MANBA: variants seen among roughly 807,000 people sequenced by gnomAD.
MANBA encodes the protein beta-mannosidase.
A neutral mutation model predicts 111.1 loss-of-function variants in MANBA; 83 were observed. That is an observed-to-expected ratio of 0.75 (90% CI 0.63 to 0.90). The LOEUF is 0.90. Ranked by LOEUF, MANBA falls within the 40% of genes least tolerant of loss-of-function variation. MANBA has a pLI of 0.00. For missense variants in MANBA, 1,036 were observed against 1,069.0 expected, an observed-to-expected ratio of 0.97 and a Z score of 0.43; for synonymous variants, 370 against 378.7, an observed-to-expected ratio of 0.98 and a Z score of 0.27.
In MANBA at chr4:102,657,682, C is replaced by A; in HGVS notation, c.1704G>T (p.Lys568Asn). Reference sequence around the variant, plus strand: ...ATTAGAAAATCAAACGATGACTTACCTTTTCTAATGTACTGAAGGACGGCC... The same window carrying A: ...ATTAGAAAATCAAACGATGACTTACATTTTCTAATGTACTGAAGGACGGCC... Reference protein sequence around the residue: ...QSWPSFSTLEKVSSTEDWSFN... With the variant: ...QSWPSFSTLENVSSTEDWSFN... Residue 568 changes from lysine (K) to asparagine (N), a missense_variant and splice_region_variant, in exon 12 of 17, where the codon AAG becomes AAT. Coordinates refer to ENST00000647097, the MANE Select transcript of MANBA (RefSeq NM_005908.4). The A allele has an allele frequency of 1.2e-6, 2 of 1,600,614 alleles. No individual in the cohort carries two copies. The highest frequency in any genetic ancestry group is 1.7e-6 in the Non-Finnish European group (2 of 1,167,870).
intron 1 of MANBA, among the ~76,000 whole-genome samples, chr4:102,755,068 G>C (rs556079135): frequency 3.3e-5 from 5 of 152,162 alleles, no homozygotes; most frequent in African/African-American, 1.2e-4. Flanking sequence ...TAGATTCAAC[G>C]CCATCCCCAT....
intron 1 of MANBA, chr4:102,730,446 G>C: frequency 2.0e-6 from 1 of 491,056 alleles, no homozygotes; most frequent in Non-Finnish European, 3.9e-6. Flanking sequence ...CAGAGTATTC[G>C]GGGTAAGGGT....
At chr4:102,730,750 C>T (rs1015086290) in intron 1 of MANBA, 1 of 499,352 alleles carries the variant, frequency 2.0e-6, no homozygotes, top group Non-Finnish European at 4.0e-6. Context: ...TCAGGTAAGA[C>T]ACAATAAGTC....
chr4:102,633,558 A>G (rs547814092), intron 16 of MANBA: 1 of 397,552 alleles, frequency 2.5e-6, no homozygotes, highest in South Asian at 1.4e-4. Context: ...TTAGCCCCGA[A>G]TTAAACATTA....
intron 16 of MANBA, among the ~76,000 whole-genome samples, chr4:102,632,578 G>A (rs1578853416): frequency 6.6e-6 from 1 of 152,184 alleles, no homozygotes; most frequent in African/African-American, 2.4e-5. Flanking sequence ...TTTTCTCAGA[G>A]TATCATCAAG....
chr4:102,708,034 A>C (rs1171964367), intron 5 of MANBA, among the ~76,000 whole-genome samples: 1 of 152,160 alleles, frequency 6.6e-6, no homozygotes, highest in Non-Finnish European at 1.5e-5. Context: ...AAATCTAAAG[A>C]CAGATAGATT....
intron 12 of MANBA, chr4:102,650,942 G>A: frequency 2.2e-6 from 1 of 462,256 alleles, no homozygotes; most frequent in Non-Finnish European, 3.9e-6. Context: ...CTCCAACTAA[G>A]AAAGTTATAT....
intron 5 of MANBA, among the ~76,000 whole-genome samples, chr4:102,703,351 G>A (rs1733149197): frequency 6.6e-6 from 1 of 152,146 alleles, no homozygotes; most frequent in South Asian, 2.1e-4. Context: ...ATTCATTCCT[G>A]GCAGTAGGCT....
At chr4:102,656,432 G>A (rs774116666) in intron 12 of MANBA, among the ~76,000 whole-genome samples, 1 of 152,176 alleles carries the variant, frequency 6.6e-6, no homozygotes, top group Non-Finnish European at 1.5e-5. Context: ...AATAACAAGT[G>A]TTGGCAAGGA....
chr4:102,743,598 C>T (rs1723488536), intron 1 of MANBA, among the ~76,000 whole-genome samples: 1 of 152,120 alleles, frequency 6.6e-6, no homozygotes, highest in South Asian at 2.1e-4. Flanking sequence ...GCCACTTCTG[C>T]CTTTGAGCCA....
chr4:102,679,926 TA>T (rs201793469), intron 7 of MANBA, among the ~76,000 whole-genome samples: 2,106 of 139,504 alleles, frequency 0.015, 29 homozygotes, highest in East Asian at 0.058. Flanking sequence ...CTCTGAGGTA[TA>T]AAAAAAAAAA....
intron 5 of MANBA, among the ~76,000 whole-genome samples, chr4:102,692,626 A>C (rs939260712): frequency 1.3e-5 from 2 of 152,128 alleles, no homozygotes; most frequent in African/African-American, 4.8e-5. Context: ...AGGGGGTTAG[A>C]GTCAGCAAAA....
intron 7 of MANBA, among the ~76,000 whole-genome samples, chr4:102,674,660 G>A (rs770530919): frequency 1.7e-4 from 26 of 152,204 alleles, no homozygotes; most frequent in Non-Finnish European, 3.1e-4. Context: ...GCAGGACCAC[G>A]CACTCTGTGC....
At chr4:102,714,632 T>C in intron 4 of MANBA, 71 bp from the exon 5 acceptor site, 2 of 1,470,698 alleles carry the variant, frequency 1.4e-6, no homozygotes, top group South Asian at 2.3e-5. Context: ...AAAAACATTT[T>C]CTTTAAAAAT....
intron 10 of MANBA, 130 bp downstream of exon 10, chr4:102,668,833 A>G: frequency 1.4e-6 from 1 of 736,882 alleles, no homozygotes; most frequent in Non-Finnish European, 2.4e-6. Flanking sequence ...CTAGGATGTC[A>G]ATTACCTGGC....
intron 5 of MANBA, among the ~76,000 whole-genome samples, chr4:102,700,759 G>C (rs562215799): frequency 7.2e-4 from 110 of 152,228 alleles, no homozygotes; most frequent in Non-Finnish European, 1.3e-3. Context: ...TACATTTGCT[G>C]AGGAGTGCTT....
chr4:102,663,570 A>G (rs1024939221), intron 11 of MANBA, among the ~76,000 whole-genome samples: 3 of 152,192 alleles, frequency 2.0e-5, no homozygotes, highest in Non-Finnish European at 4.4e-5. Flanking sequence ...TAAACTATAA[A>G]TTTGAACCCA....
At chr4:102,694,241 A>G (rs1732608309) in intron 5 of MANBA, among the ~76,000 whole-genome samples, 1 of 152,120 alleles carries the variant, frequency 6.6e-6, no homozygotes, top group Admixed American at 6.6e-5. Context: ...ACACAGTATG[A>G]AGATCTACAA....
At chr4:102,748,574 G>C (rs1160246411) in intron 1 of MANBA, among the ~76,000 whole-genome samples, 1 of 152,102 alleles carries the variant, frequency 6.6e-6, no homozygotes, top group Non-Finnish European at 1.5e-5. Context: ...AAGGGAACTG[G>C]ACCTAGAAGA....
Sources: allele counts gnomAD v4.1 joint callset (sites outside exome capture counted in the v4.1 genomes callset), GRCh38; gene constraint gnomAD v4.1.1; transcripts MANE v1.5; gene names NCBI Gene and HGNC (gene_info 2026-07-23, HGNC 2026-07-21).